The following CRACD variants were observed in gnomAD, a reference collection of about 807,000 sequenced individuals.
CRACD encodes the protein capping protein inhibiting regulator of actin dynamics.
CRACD carries 56 observed loss-of-function variants against 106.8 expected under a neutral mutation model. That is an observed-to-expected ratio of 0.52 (90% CI 0.42 to 0.66). CRACD has a LOEUF of 0.66. Ranked by LOEUF, CRACD falls within the 30% of genes least tolerant of loss-of-function variation. The pLI, the probability that CRACD is intolerant of heterozygous loss-of-function variation, is 0.00. For synonymous variants in CRACD, 754 were observed against 670.8 expected (o/e 1.12, Z -1.92); for missense variants, 1,730 against 1,623.2 (o/e 1.07, Z -1.13).
chr4:56,216,352 T>C (rs148525447), intron 2 of CRACD: 1 of 152,348 alleles, frequency 6.6e-6, no homozygotes, highest in African/African-American at 2.4e-5. Context: ...CTTGTAAATA[T>C]GGTGAATAAA....
Position 56,314,480 on chromosome 4 carries a change from G to GGCCCAA in CRACD, c.981_986dup (p.Gln328_Ala329dup). On this transcript the variant is annotated inframe_insertion, in exon 8 of 11. Coordinates refer to ENST00000682029, the MANE Select transcript of CRACD (RefSeq NM_001393381.1). This position sits in a 1 kb window ranked among gnomAD's most constrained non-coding sequence, Gnocchi z 4.4. The stretch of plus-strand genomic sequence containing the variant: ...AGGAGCGAAGGCGTCTGCAGGCCCA[G>GGCCCAA]GCCCAAGCGGAGGAGAGGCGGCGGC... 1 of 1,528,428 alleles carries GGCCCAA rather than the reference G, an allele frequency of 6.5e-7. No homozygotes were observed. Among genetic ancestry groups the GGCCCAA allele is most frequent in the Non-Finnish European group, 8.8e-7 (1 of 1,138,618 alleles). The allele number at this position is 1,528,428 out of a possible 1,614,324, so 94.7% of individuals were successfully genotyped here. A position where few individuals can be genotyped will look rare whatever the true frequency, so the allele number is the denominator to read the frequency against.
At chr4:56,288,391 G>A (rs371296929) in intron 3 of CRACD, 10 of 224,010 alleles carry the variant, frequency 4.5e-5, no homozygotes, top group East Asian at 2.2e-4. Context: ...CTTGCCCCCC[G>A]CTCCCTCCCT....
At chr4:56,202,390 G>T (rs542614978) in intron 2 of CRACD, among the ~76,000 whole-genome samples, 1 of 152,234 alleles carries the variant, frequency 6.6e-6, no homozygotes, top group South Asian at 2.1e-4. Context: ...GGGACTACAG[G>T]AGCCTGCCAT....
At chr4:56,128,125 G>A (rs946228461) in intron 1 of CRACD, among the ~76,000 whole-genome samples, 8 of 152,102 alleles carry the variant, frequency 5.3e-5, no homozygotes, top group African/African-American at 1.2e-4. Flanking sequence ...ATGTGTGCTT[G>A]AATGAATGTG....
intron 1 of CRACD, among the ~76,000 whole-genome samples, chr4:56,113,118 A>G (rs937828401): frequency 2.1e-4 from 25 of 120,064 alleles, no homozygotes; most frequent in African/African-American, 5.0e-4. Flanking sequence ...GCTTGATTCA[A>G]TTAACTTAGT....
At chr4:56,267,110 T>C (rs1742066292) in intron 2 of CRACD, among the ~76,000 whole-genome samples, 1 of 142,164 alleles carries the variant, frequency 7.0e-6, no homozygotes, top group African/African-American at 2.7e-5. Context: ...AAATACACTT[T>C]TAAATTTATT....
chr4:56,148,487 T>C (rs144030464), intron 1 of CRACD, among the ~76,000 whole-genome samples: 157 of 152,060 alleles, frequency 1.0e-3, no homozygotes, highest in Non-Finnish European at 2.1e-3. Context: ...GGAGATGGGG[T>C]CTCACTATGT....
intron 10 of CRACD, among the ~76,000 whole-genome samples, 178 bp downstream of exon 10, chr4:56,324,444 AG>A (rs1302384640): frequency 2.0e-5 from 3 of 152,244 alleles, no homozygotes; most frequent in African/African-American, 7.2e-5. Context: ...AAAGACCACC[AG>A]GAGCTCACCC....
intron 1 of CRACD, among the ~76,000 whole-genome samples, chr4:56,141,381 C>T (rs1224750253): frequency 6.6e-6 from 1 of 152,100 alleles, no homozygotes; most frequent in East Asian, 1.9e-4. Flanking sequence ...GAGTGATTTG[C>T]CTGTCACCAT....
At chr4:56,180,866 C>G (rs1309843531) in intron 2 of CRACD, among the ~76,000 whole-genome samples, 1 of 152,124 alleles carries the variant, frequency 6.6e-6, no homozygotes, top group East Asian at 1.9e-4. Context: ...AAAAGTCAGT[C>G]TGATTTCTTG....
intron 2 of CRACD, among the ~76,000 whole-genome samples, chr4:56,256,383 T>C (rs985929620): frequency 3.3e-5 from 5 of 152,212 alleles, no homozygotes; most frequent in African/African-American, 1.2e-4. Flanking sequence ...GGAACTGTAG[T>C]CCATTAAACC....
chr4:56,324,310 C>T, intron 10 of CRACD, 44 bp downstream of exon 10: 1 of 1,576,074 alleles, frequency 6.3e-7, no homozygotes, highest in South Asian at 1.2e-5. Context: ...TTCCAGGTTT[C>T]TCTTTGTAGA....
At chr4:56,062,141 G>A (rs190507039) in intron 1 of CRACD, among the ~76,000 whole-genome samples, 1 of 152,292 alleles carries the variant, frequency 6.6e-6, no homozygotes, top group East Asian at 1.9e-4. Context: ...AGATGCTGAC[G>A]TTTAAGCAAC....
In CRACD at chr4:56,314,918, G is replaced by T; in HGVS notation, c.1416G>T (p.Gln472His). Residue 472 changes from glutamine to histidine, a missense_variant, in exon 8 of 11, where the codon CAG becomes CAT. Around this residue, in one of 5 missense-constraint regions of CRACD, gnomAD observed 1,620 missense variants for 1,481.6 expected, o/e 1.09. Coordinates refer to ENST00000682029, the MANE Select transcript of CRACD (RefSeq NM_001393381.1). The surrounding 1 kb of genome is among the most constrained non-coding windows in gnomAD (Gnocchi z 4.4). ...REQQGRSGDF[Q>H]GADRPGPEEK... ...AGCAGGGAAGGAGCGGGGATTTCCA[G>T]GGGGCCGATCGTCCTGGGCCCGAGG... The T allele has an allele frequency of 6.2e-7, 1 of 1,605,856 alleles. No homozygotes were observed. Among genetic ancestry groups the T allele is most frequent in the Non-Finnish European group, 8.5e-7 (1 of 1,177,278 alleles).
intron 2 of CRACD, among the ~76,000 whole-genome samples, chr4:56,237,143 C>G (rs1740022863): frequency 6.6e-6 from 1 of 151,926 alleles, no homozygotes; most frequent in African/African-American, 2.4e-5. Context: ...CCTGGAATAG[C>G]TGAAATGTCC....
At chr4:56,172,642 T>G (rs1736420673) in intron 1 of CRACD, among the ~76,000 whole-genome samples, 2 of 151,856 alleles carry the variant, frequency 1.3e-5, no homozygotes, top group Admixed American at 1.3e-4. Flanking sequence ...TTTTTTTTTT[T>G]GAGACAGCAT....
Position 56,307,687 on chromosome 4 carries a change from C to T in CRACD, c.273C>T (p.Asp91=), listed in dbSNP as rs762672209. ...IVTQQDIVLS[D]AENKSSDTPS... ...CTCAGCAGGACATCGTCCTCTCAGA[C>T]GCAGAGAACAAGGTAAGTCTCCTCC... Residue 91 remains aspartate, a synonymous_variant, in exon 5 of 11, where the codon GAC becomes GAT. Coordinates refer to ENST00000682029, the MANE Select transcript of CRACD (RefSeq NM_001393381.1). The T allele has an allele frequency of 2.1e-5, 34 of 1,613,968 alleles. No individual in the cohort carries two copies. The highest frequency in any genetic ancestry group is 8.3e-5 in the Admixed American group (5 of 60,010).
chr4:56,117,327 T>A (rs1335343752), intron 1 of CRACD, among the ~76,000 whole-genome samples: 1 of 152,148 alleles, frequency 6.6e-6, no homozygotes, highest in African/African-American at 2.4e-5. Flanking sequence ...GGCCCGAATT[T>A]TTTATTTTTC....
At chr4:56,145,871 G>A (rs1330743253) in intron 1 of CRACD, among the ~76,000 whole-genome samples, 5 of 152,012 alleles carry the variant, frequency 3.3e-5, no homozygotes, top group Admixed American at 6.6e-5. Flanking sequence ...TGATCTGCCC[G>A]CCTTGGCCTC....
Sources: allele counts gnomAD v4.1 joint callset (sites outside exome capture counted in the v4.1 genomes callset), GRCh38; gene constraint gnomAD v4.1.1; regional missense constraint gnomAD v4.1.1; non-coding constraint Gnocchi (gnomAD v3.1); transcripts MANE v1.5; gene names NCBI Gene and HGNC (gene_info 2026-07-23, HGNC 2026-07-21).